Variants in GRID2 observed in about 807,000 individuals in gnomAD.
The protein encoded by GRID2 is glutamate ionotropic receptor delta type subunit 2, also known as glutamate receptor ionotropic, delta-2.
GRID2 carries 33 observed loss-of-function variants against 114.8 expected under a neutral mutation model. The observed-to-expected ratio is 0.29, with a 90% confidence interval of 0.22 to 0.38. The LOEUF is 0.38. Among genes scored for constraint, GRID2 ranks in the 10% least tolerant of loss-of-function variants. GRID2 has a pLI of 1.00. For synonymous variants in GRID2, 505 were observed against 449.9 expected (o/e 1.12, Z -1.55); for missense variants, 1,184 against 1,257.7 (o/e 0.94, Z 0.89).
Position 93,608,825 on chromosome 4 carries a change from C to T in GRID2, c.2194-17444C>T, listed in dbSNP as rs960683358. On this transcript the variant is annotated intron_variant, in intron 13 of 15. Coordinates refer to ENST00000282020, the MANE Select transcript of GRID2 (RefSeq NM_001510.4). The stretch of plus-strand genomic sequence containing the variant: ...GATTTATAGTCATTTGGGTATATAC[C>T]CAGTAATGGGATGGCTGGGTCAAAT... Among the ~76,000 whole-genome samples, 16 of 135,050 alleles carry T rather than the reference C, an allele frequency of 1.2e-4. 2 individuals carry two copies. The highest frequency in any genetic ancestry group is 4.2e-4 in the African/African-American group (15 of 35,900). The allele number at this position is 135,050 out of a possible 152,430, so 88.6% of individuals were successfully genotyped here. A position where few individuals can be genotyped will look rare whatever the true frequency, so the allele number is the denominator to read the frequency against.
chr4:92,448,675 A>C (rs1733594628), intron 1 of GRID2, among the ~76,000 whole-genome samples: 1 of 151,094 alleles, frequency 6.6e-6, no homozygotes, highest in African/African-American at 2.5e-5. Flanking sequence ...TATGGAATTT[A>C]TGAAAATTTT....
intron 2 of GRID2, among the ~76,000 whole-genome samples, chr4:92,944,177 G>C (rs931320610): frequency 2.0e-5 from 3 of 152,222 alleles, no homozygotes; most frequent in African/African-American, 7.2e-5. Flanking sequence ...CCTGCCCCCA[G>C]ATGTGGAGTC....
intron 1 of GRID2, among the ~76,000 whole-genome samples, chr4:92,584,763 T>TA (rs200922538): frequency 2.6e-4 from 39 of 150,420 alleles, no homozygotes; most frequent in African/African-American, 7.1e-4. Flanking sequence ...ATAGCCACCA[T>TA]AAAAAAAAAT....
chr4:93,588,672 C>G (rs1737792427), intron 13 of GRID2, among the ~76,000 whole-genome samples: 1 of 152,208 alleles, frequency 6.6e-6, no homozygotes, highest in Non-Finnish European at 1.5e-5. Flanking sequence ...CAGAGTCACA[C>G]TCACAATTGC....
intron 8 of GRID2, among the ~76,000 whole-genome samples, chr4:93,386,635 C>T (rs1255189835): frequency 2.6e-5 from 4 of 152,090 alleles, no homozygotes; most frequent in African/African-American, 4.8e-5. Flanking sequence ...AATGGCACCA[C>T]GCAAGGGTCA....
chr4:93,607,974 T>C (rs1740437168), intron 13 of GRID2, among the ~76,000 whole-genome samples: 1 of 151,706 alleles, frequency 6.6e-6, no homozygotes, highest in Non-Finnish European at 1.5e-5. Flanking sequence ...TTCTTGGCTT[T>C]GTGAATGGTG....
intron 3 of GRID2, among the ~76,000 whole-genome samples, chr4:93,102,170 G>C (rs879709486): frequency 1.3e-5 from 2 of 152,166 alleles, no homozygotes; most frequent in African/African-American, 2.4e-5. Flanking sequence ...CCTTGCCTCT[G>C]TTTCACTTTA....
intron 2 of GRID2, among the ~76,000 whole-genome samples, chr4:92,940,931 G>A (rs1398876958): frequency 6.6e-6 from 1 of 152,156 alleles, no homozygotes; most frequent in Non-Finnish European, 1.5e-5. Context: ...CTTGATCATG[G>A]TGGATAAGAT....
intron 14 of GRID2, among the ~76,000 whole-genome samples, chr4:93,679,257 G>C (rs1725255123): frequency 6.6e-6 from 1 of 151,024 alleles, no homozygotes; most frequent in Non-Finnish European, 1.5e-5. Context: ...ACCCAATACA[G>C]GAGCACCCAG....
At chr4:92,943,741 G>A (rs1365319765) in intron 2 of GRID2, among the ~76,000 whole-genome samples, 5 of 152,214 alleles carry the variant, frequency 3.3e-5, no homozygotes, top group Middle Eastern at 3.4e-3. Context: ...TGATGGTGAC[G>A]TACAGATGGG....
chr4:92,364,977 G>C (rs1728781960), intron 1 of GRID2, among the ~76,000 whole-genome samples: 1 of 151,996 alleles, frequency 6.6e-6, no homozygotes. Flanking sequence ...AAGAGTAGTG[G>C]TTTCCCAGCA....
chr4:93,447,382 G>A (rs940898576), intron 10 of GRID2, among the ~76,000 whole-genome samples: 1 of 151,774 alleles, frequency 6.6e-6, no homozygotes, highest in African/African-American at 2.4e-5. Flanking sequence ...TAATTGAAGG[G>A]AAAAAACAGT....
At chr4:93,378,795 C>G (rs527649400) in intron 8 of GRID2, among the ~76,000 whole-genome samples, 8 of 152,000 alleles carry the variant, frequency 5.3e-5, no homozygotes, top group Non-Finnish European at 1.2e-4. Context: ...ATCTGGTGCT[C>G]TATTCTGCTG....
At chr4:93,321,162 G>A (rs971516275) in intron 8 of GRID2, among the ~76,000 whole-genome samples, 7 of 152,014 alleles carry the variant, frequency 4.6e-5, no homozygotes, top group African/African-American at 1.4e-4. Flanking sequence ...TCCACTGAGA[G>A]CCATCGTCAC....
intron 1 of GRID2, among the ~76,000 whole-genome samples, chr4:92,387,064 C>G (rs1729997065): frequency 6.6e-6 from 1 of 151,856 alleles, no homozygotes. Flanking sequence ...TAAAAGCACA[C>G]TATTGATGGT....
intron 14 of GRID2, among the ~76,000 whole-genome samples, chr4:93,636,603 T>C (rs994332789): frequency 6.6e-6 from 1 of 152,202 alleles, no homozygotes; most frequent in Non-Finnish European, 1.5e-5. Context: ...AAATTCAGTC[T>C]ACTTTTAAAA....
At chr4:92,477,244 CACTT>C (rs947970004) in intron 1 of GRID2, among the ~76,000 whole-genome samples, 32 of 152,150 alleles carry the variant, frequency 2.1e-4, no homozygotes, top group Admixed American at 8.5e-4. Context: ...GCTAATGCAG[CACTT>C]ACTTTTCCAT....
chr4:92,817,830 C>T (rs1250054465), intron 2 of GRID2, among the ~76,000 whole-genome samples: 5 of 151,866 alleles, frequency 3.3e-5, no homozygotes, highest in Middle Eastern at 3.2e-3. Context: ...TTGCGTCCAG[C>T]CTTGCCAATT....
Position 93,085,611 on chromosome 4 carries a change from T to C in GRID2, c.529+332T>C, listed in dbSNP as rs544405833. ...AAAACAACACCGTCTTTCTTCCCTT[T>C]CAAAAAAATGTATACCTCTCTATAA... On this transcript the variant is annotated intron_variant, in intron 3 of 15. Coordinates refer to ENST00000282020, the MANE Select transcript of GRID2 (RefSeq NM_001510.4). Among the ~76,000 whole-genome samples, 304 of 152,240 alleles carry C rather than the reference T, an allele frequency of 2.0e-3. 2 individuals are homozygous for C. Among genetic ancestry groups the C allele is most frequent in the African/African-American group, 7.2e-3 (299 of 41,564 alleles).
Sources: allele counts gnomAD v4.1 joint callset (sites outside exome capture counted in the v4.1 genomes callset), GRCh38; gene constraint gnomAD v4.1.1; transcripts MANE v1.5; gene names NCBI Gene and HGNC (gene_info 2026-07-23, HGNC 2026-07-21).